The following ATG4C variants were observed in gnomAD, a reference collection of about 807,000 sequenced individuals.
ATG4C encodes the protein cysteine protease ATG4C.
ATG4C carries 56 observed loss-of-function variants against 57.6 expected under a neutral mutation model. The ratio of observed to expected loss-of-function variants is 0.97; its 90% confidence interval spans 0.78 to 1.21. The LOEUF is 1.21. Ranked by LOEUF, ATG4C falls within the 50% of genes most tolerant of loss-of-function variation. The probability of loss-of-function intolerance (pLI) is 0.00; values close to 1 mark genes in which losing one functional copy is unlikely to be tolerated. For missense variants in ATG4C, 595 were observed against 529.8 expected (o/e 1.12, Z -1.21); for synonymous variants, 157 against 174.1 (o/e 0.90, Z 0.78).
chr1:62,835,189 A>AG (rs1665960677), intron 9 of ATG4C, among the ~76,000 whole-genome samples: 1 of 151,600 alleles, frequency 6.6e-6, no homozygotes, highest in Non-Finnish European at 1.5e-5. Context: ...CTGTTTAAAA[A>AG]AAAAAAAAAA....
chr1:62,847,430 G>T (rs990527094), intron 10 of ATG4C, among the ~76,000 whole-genome samples: 4 of 152,040 alleles, frequency 2.6e-5, no homozygotes, highest in Admixed American at 2.6e-4. Flanking sequence ...AAAATTAAAA[G>T]TTTCATCGAG....
At chr1:62,791,081 A>C (rs1664260600) in intron 1 of ATG4C, among the ~76,000 whole-genome samples, 1 of 152,224 alleles carries the variant, frequency 6.6e-6, no homozygotes, top group African/African-American at 2.4e-5. Context: ...TCATGTGTGA[A>C]TATTCTCATT....
intron 3 of ATG4C, among the ~76,000 whole-genome samples, chr1:62,806,481 T>C (rs1298118299): frequency 7.9e-5 from 12 of 152,080 alleles, no homozygotes; most frequent in Non-Finnish European, 4.4e-5. Context: ...TTTCAAAAAT[T>C]AAAAACTTAT....
intron 3 of ATG4C, 73 bp from the exon 4 acceptor site, chr1:62,816,502 A>G: frequency 2.0e-6 from 2 of 1,010,806 alleles, no homozygotes; most frequent in Non-Finnish European, 2.8e-6. Context: ...ACATCTTAAG[A>G]CAGTAATGAT....
chr1:62,828,957 G>A, intron 6 of ATG4C, 83 bp from the exon 7 acceptor site: 1 of 1,250,286 alleles, frequency 8.0e-7, no homozygotes, highest in Non-Finnish European at 1.1e-6. Context: ...TCCATTGCGG[G>A]GTGGAGGATA....
chr1:62,819,483 A>G (rs893926376), intron 5 of ATG4C, 148 bp downstream of exon 5: 1 of 620,706 alleles, frequency 1.6e-6, no homozygotes, highest in African/African-American at 1.9e-5. Flanking sequence ...GCCAGCAGGG[A>G]AAAAAGAAGA....
intron 1 of ATG4C, among the ~76,000 whole-genome samples, chr1:62,789,062 G>A (rs967490798): frequency 1.3e-5 from 2 of 152,064 alleles, no homozygotes; most frequent in Non-Finnish European, 2.9e-5. Flanking sequence ...ATAAATTGAG[G>A]TCATGTGGAT....
intron 1 of ATG4C, among the ~76,000 whole-genome samples, chr1:62,786,553 A>G (rs1289640316): frequency 6.6e-6 from 1 of 151,830 alleles, no homozygotes; most frequent in Admixed American, 6.6e-5. Flanking sequence ...ACAAGTGAAA[A>G]TCTGTGATAT....
chr1:62,834,654 TATC>T, intron 8 of ATG4C, 119 bp from the exon 9 acceptor site: 1 of 696,340 alleles, frequency 1.4e-6, no homozygotes, highest in South Asian at 1.9e-5. Flanking sequence ...AGTCAATGAA[TATC>T]AGTCTGGCAA....
At chr1:62,833,199 A>T (rs972984948) in intron 7 of ATG4C, among the ~76,000 whole-genome samples, 5 of 152,288 alleles carry the variant, frequency 3.3e-5, no homozygotes, top group African/African-American at 1.2e-4. Context: ...AGGAAAGCTT[A>T]ATTATTGTTT....
intron 6 of ATG4C, among the ~76,000 whole-genome samples, chr1:62,828,733 A>G (rs1293260833): frequency 1.3e-5 from 2 of 152,072 alleles, no homozygotes; most frequent in African/African-American, 2.4e-5. Flanking sequence ...GCCTGTTCCT[A>G]TGTCCAGGAT....
chr1:62,855,184 C>G (rs1432465839), intron 10 of ATG4C, among the ~76,000 whole-genome samples: 1 of 151,992 alleles, frequency 6.6e-6, no homozygotes, highest in Non-Finnish European at 1.5e-5. Context: ...CGTCTTTGGC[C>G]GTTCTGTACT....
At position 62,784,146 on chromosome 1, in the gene ATG4C, T is replaced by G. The variant is rs929165595; in HGVS notation, c.-196T>G. ...CCGGGGTGCTCAAAGTACCTGTAGC[T>G]GCGGCGCTGAGGTCGGAACGTCTGC... On this transcript the variant is annotated 5_prime_UTR_variant, in exon 1 of 11. Coordinates refer to ENST00000317868, the MANE Select transcript of ATG4C (RefSeq NM_032852.4). 1 of 152,846 alleles carries G rather than the reference T, an allele frequency of 6.5e-6. No homozygotes were observed. Among genetic ancestry groups the G allele is most frequent in the African/African-American group, 2.4e-5 (1 of 41,472 alleles). 9.5% of individuals were successfully genotyped at this position (152,846 alleles called of 1,614,324 possible). A position where few individuals can be genotyped will look rare whatever the true frequency, so the allele number is the denominator to read the frequency against.
intron 9 of ATG4C, among the ~76,000 whole-genome samples, chr1:62,837,213 A>T (rs1666025946): frequency 6.6e-6 from 1 of 152,170 alleles, no homozygotes; most frequent in Non-Finnish European, 1.5e-5. Flanking sequence ...TTTCTATACT[A>T]ACTTTTAAGA....
chr1:62,854,419 A>C (rs186207708), intron 10 of ATG4C, among the ~76,000 whole-genome samples: 1 of 151,788 alleles, frequency 6.6e-6, no homozygotes, highest in Non-Finnish European at 1.5e-5. Flanking sequence ...CTGGGACTAC[A>C]GGCACTTGCC....
chr1:62,791,684 T>C (rs1292654689), intron 1 of ATG4C, among the ~76,000 whole-genome samples: 1 of 152,172 alleles, frequency 6.6e-6, no homozygotes, highest in African/African-American at 2.4e-5. Context: ...AATCCATTAA[T>C]CCATGAGTGA....
rs1391514598 is a variant in ATG4C, at chr1:62,810,144, C to G, written c.160+4889C>G. On this transcript the variant is annotated intron_variant, in intron 3 of 10. Coordinates refer to ENST00000317868, the MANE Select transcript of ATG4C (RefSeq NM_032852.4). ...TGTAGCTTTAATAAAAAGTTGGAAA[C>G]AAGTATTCACAAGAAGAGGATTAGA... 2.6e-5 allele frequency among the ~76,000 whole-genome samples: 4 copies of G among 152,082 alleles called. No individual in the cohort carries two copies. The East Asian group carries it at 5.8e-4, about 22-fold the overall frequency.
chr1:62,836,538 A>C (rs1666004703), intron 9 of ATG4C, among the ~76,000 whole-genome samples: 1 of 152,082 alleles, frequency 6.6e-6, no homozygotes, highest in African/African-American at 2.4e-5. Context: ...TAGAGGAATA[A>C]AATTTCACTT....
intron 9 of ATG4C, among the ~76,000 whole-genome samples, chr1:62,840,949 C>T (rs1293556190): frequency 6.6e-6 from 1 of 152,166 alleles, no homozygotes; most frequent in Non-Finnish European, 1.5e-5. Flanking sequence ...CTCAAGTTGA[C>T]CTCTTTTTAT....
Sources: gnomAD v4.1 joint callset for allele counts (sites outside exome capture counted in the v4.1 genomes callset) on GRCh38, gnomAD v4.1.1 for gene constraint, MANE v1.5 for transcripts, NCBI Gene and HGNC (gene_info 2026-07-23, HGNC 2026-07-21) for gene names.